PAK3: variants seen among roughly 807,000 people sequenced by gnomAD.
PAK3 encodes the protein p21 (RAC1) activated kinase 3, also known as serine/threonine-protein kinase PAK 3.
Under a neutral mutation model 41.0 loss-of-function variants are expected in PAK3, and 4 were observed. The observed-to-expected ratio is 0.10, with a 90% CI of 0.05 to 0.22. PAK3 has a LOEUF of 0.22. Ranked by LOEUF, PAK3 falls within the 10% of genes least tolerant of loss-of-function variation. PAK3 has a pLI of 1.00. For missense variants in PAK3, 205 were observed against 409.9 expected (o/e 0.50, Z 4.32); for synonymous variants, 146 against 139.6 (o/e 1.05, Z -0.32).
intron 8 of PAK3, among the ~76,000 whole-genome samples, chrX:111,156,242 C>T (rs760424973): frequency 1.2e-4 from 13 of 111,500 alleles, no homozygotes; most frequent in East Asian, 5.6e-4. Flanking sequence ...CAAAGATAAA[C>T]GCAGGCTTAA....
At chrX:110,968,641 G>A (rs1218780791) in intron 1 of PAK3, among the ~76,000 whole-genome samples, 1 of 111,729 alleles carries the variant, frequency 9.0e-6, no homozygotes, top group Non-Finnish European at 1.9e-5. Context: ...TGAAATGCTG[G>A]TTCATGTCTT....
chrX:111,149,610 G>C (rs1382596092), intron 7 of PAK3, among the ~76,000 whole-genome samples: 1 of 112,484 alleles, frequency 8.9e-6, no homozygotes, highest in Non-Finnish European at 1.9e-5. Flanking sequence ...AGCTGCCAAG[G>C]CTTGGGGATT....
At chrX:111,159,736 A>G (rs1336357410) in intron 8 of PAK3, among the ~76,000 whole-genome samples, 1 of 112,365 alleles carries the variant, frequency 8.9e-6, no homozygotes, top group Non-Finnish European at 1.9e-5. Context: ...ATACAATATA[A>G]TAGCCCAGTT....
rs1394322423 is a variant in PAK3 at position 111,022,333 on chromosome X, G to C, written c.-28+77705G>C. On this transcript the variant is annotated intron_variant, in intron 1 of 14. Transcript: ENST00000425146. The stretch of plus-strand genomic sequence containing the variant: ...TATCAGATTAACAGCAGATTTCTCA[G>C]CAGAAACCCTATAAGCTAGAAGGGT... Among the ~76,000 whole-genome samples the C allele has an allele frequency of 3.6e-5, 4 of 112,023 alleles. No individual in the cohort carries two copies. The East Asian group carries it at 1.1e-3, about 32-fold the overall frequency.
At chrX:111,179,836 C>A (rs1007539281) in intron 11 of PAK3, among the ~76,000 whole-genome samples, 1 of 111,805 alleles carries the variant, frequency 8.9e-6, no homozygotes, top group Non-Finnish European at 1.9e-5. Context: ...ACTTGCTCTT[C>A]TAACTTCCAC....
At chrX:110,998,426 C>T (rs2091782519) in intron 1 of PAK3, among the ~76,000 whole-genome samples, 2 of 112,192 alleles carry the variant, frequency 1.8e-5, no homozygotes, top group South Asian at 3.7e-4. Context: ...TGAGAATTGG[C>T]TGTTGAATTT....
chrX:110,978,269 T>G (rs2091376328), intron 1 of PAK3, among the ~76,000 whole-genome samples: 1 of 111,572 alleles, frequency 9.0e-6, no homozygotes, highest in African/African-American at 3.3e-5. Context: ...CTTTTATTTG[T>G]TATTGGTTTC....
At chrX:111,006,849 C>CTTTCTTTCTTTCTTTCTTTCTTT (rs1556434441) in intron 1 of PAK3, among the ~76,000 whole-genome samples, 3 of 42,725 alleles carry the variant, frequency 7.0e-5, no homozygotes, top group Non-Finnish European at 1.3e-4. Flanking sequence ...TTCTTTCTTT[C>CTTTCTTTCTTTCTTTCTTTCTTT]TTTTTTTTTT....
At chrX:111,115,694 C>G (rs770322768) in intron 4 of PAK3, among the ~76,000 whole-genome samples, 5 of 112,058 alleles carry the variant, frequency 4.5e-5, no homozygotes, top group Non-Finnish European at 9.4e-5. Context: ...CATTTTACAC[C>G]AGTTCAAATT....
intron 1 of PAK3, among the ~76,000 whole-genome samples, chrX:110,979,291 CTTTTCTTTTTTTTTTT>C (rs1184607801): frequency 1.0e-4 from 2 of 19,825 alleles, no homozygotes; most frequent in Middle Eastern, 0.083. Flanking sequence ...TTCTCTATTA[CTTTTCTTTTTTTTTTT>C]TTTTTTTTTT....
At chrX:110,966,667 G>A (rs1210420100) in intron 1 of PAK3, among the ~76,000 whole-genome samples, 1 of 110,962 alleles carries the variant, frequency 9.0e-6, no homozygotes, top group African/African-American at 3.3e-5. Context: ...TGTGAGAAAA[G>A]CAGGCTGCAA....
chrX:111,112,268 T>C (rs776822298), intron 4 of PAK3, among the ~76,000 whole-genome samples: 2 of 109,861 alleles, frequency 1.8e-5, no homozygotes, highest in South Asian at 4.0e-4. Context: ...ATCTCCTTAA[T>C]ACACGTTGCT....
At chrX:111,145,904 G>A (rs1372979569) in intron 6 of PAK3, among the ~76,000 whole-genome samples, 2 of 111,741 alleles carry the variant, frequency 1.8e-5, no homozygotes, top group Non-Finnish European at 3.8e-5. Context: ...AACATATAGA[G>A]TCTGGCTATG....
chrX:111,042,712 G>T (rs1331043278), intron 1 of PAK3, among the ~76,000 whole-genome samples: 2 of 112,175 alleles, frequency 1.8e-5, no homozygotes, highest in Non-Finnish European at 3.8e-5. Context: ...AAACAAATTT[G>T]TGATGTCTGT....
At chrX:111,132,796 G>C (rs1014499847) in intron 5 of PAK3, among the ~76,000 whole-genome samples, 7 of 111,597 alleles carry the variant, frequency 6.3e-5, no homozygotes, top group Non-Finnish European at 1.1e-4. Flanking sequence ...TACTTTTTAT[G>C]TGCCTAGCTC....
At chrX:111,151,375 A>C (rs1457692336) in intron 7 of PAK3, among the ~76,000 whole-genome samples, 1 of 112,427 alleles carries the variant, frequency 8.9e-6, no homozygotes, top group Non-Finnish European at 1.9e-5. Context: ...CCTGACAACT[A>C]TATTAAAACT....
At chrX:110,959,621 A>G (rs964942628) in intron 1 of PAK3, among the ~76,000 whole-genome samples, 7 of 111,445 alleles carry the variant, frequency 6.3e-5, no homozygotes, top group Non-Finnish European at 1.3e-4. Context: ...CGTACTTTTT[A>G]GAGCTACTCC....
chrX:111,201,247 A>G (rs1359494716), intron 16 of PAK3, among the ~76,000 whole-genome samples: 1 of 112,196 alleles, frequency 8.9e-6, no homozygotes, highest in East Asian at 2.8e-4. Context: ...TTCGATTTCA[A>G]ATATGTTTTC....
At position 111,182,327 on chromosome X, in the gene PAK3, A is replaced by G. The variant is rs1334167505; in HGVS notation, c.830+9246A>G. 5.4e-5 allele frequency among the ~76,000 whole-genome samples: 6 copies of G among 110,263 alleles called. No individual in the cohort carries two copies. The East Asian group carries it at 1.4e-3, about 26-fold the overall frequency. ...CACCGAGCTCCCTGGCCCCACACCCATAATGTGTTACAGCTCTCTTTAAAA... is the reference window on the plus strand; with the variant it reads ...CACCGAGCTCCCTGGCCCCACACCCGTAATGTGTTACAGCTCTCTTTAAAA... On this transcript the variant is annotated intron_variant, in intron 11 of 17. Coordinates refer to ENST00000372007, the MANE Select transcript of PAK3 (RefSeq NM_002578.5).
Sources: gnomAD v4.1 joint callset for allele counts (sites outside exome capture counted in the v4.1 genomes callset) on GRCh38, gnomAD v4.1.1 for gene constraint, MANE v1.5 for transcripts, NCBI Gene and HGNC (gene_info 2026-07-23, HGNC 2026-07-21) for gene names.